Variants in PCDHA3 observed in about 807,000 individuals in gnomAD.
The protein encoded by PCDHA3 is protocadherin alpha-3.
Under a neutral mutation model 62.2 loss-of-function variants are expected in PCDHA3, and 41 were observed. That is an observed-to-expected ratio of 0.66 (90% CI 0.51 to 0.86). The LOEUF is 0.86. Ranked by LOEUF, PCDHA3 falls within the 40% of genes least tolerant of loss-of-function variation. The pLI is 0.00. For missense variants in PCDHA3, 1,304 were observed against 1,241.2 expected (o/e 1.05, Z -0.76); for synonymous variants, 640 against 555.4 (o/e 1.15, Z -2.14).
chr5:140,961,510 T>C (rs1201672141), intron 1 of PCDHA3, among the ~76,000 whole-genome samples: 1 of 152,246 alleles, frequency 6.6e-6, no homozygotes, highest in Non-Finnish European at 1.5e-5. Context: ...CTTTGTTTAA[T>C]GTCTCCACAA....
chr5:140,862,363 C>T, intron 1 of PCDHA3: 1 of 339,946 alleles, frequency 2.9e-6, no homozygotes, highest in Non-Finnish European at 5.8e-6. Context: ...GACAGACGAC[C>T]CGCACCCTGA....
chr5:140,893,583 T>G (rs535910), intron 1 of PCDHA3, among the ~76,000 whole-genome samples: 7,078 of 152,294 alleles, frequency 0.046, 293 homozygotes, highest in African/African-American at 0.11. Context: ...TTTGCTTGTT[T>G]GGGAAATACT....
chr5:141,001,811 C>A (rs1200900455), intron 3 of PCDHA3, among the ~76,000 whole-genome samples: 1 of 152,128 alleles, frequency 6.6e-6, no homozygotes, highest in Non-Finnish European at 1.5e-5. Flanking sequence ...ATTCTACAAT[C>A]GGCCAAATTC....
intron 1 of PCDHA3, chr5:140,864,345 G>A (rs2048432897): frequency 6.6e-6 from 1 of 152,130 alleles, no homozygotes; most frequent in Non-Finnish European, 1.5e-5. Flanking sequence ...TTTAAAACAT[G>A]TTTAAATGTT....
At chr5:140,977,730 T>C (rs1478978176) in intron 1 of PCDHA3, among the ~76,000 whole-genome samples, 1 of 152,226 alleles carries the variant, frequency 6.6e-6, no homozygotes, top group Non-Finnish European at 1.5e-5. Flanking sequence ...ATTTCTCTCC[T>C]GGGTGTTATG....
intron 3 of PCDHA3, among the ~76,000 whole-genome samples, chr5:140,996,257 C>G (rs186736348): frequency 1.4e-4 from 22 of 152,342 alleles, no homozygotes; most frequent in African/African-American, 5.3e-4. Flanking sequence ...GACAGCAACA[C>G]AGAGCCTGGG....
intron 1 of PCDHA3, chr5:140,860,306 G>T (rs991442000): frequency 6.6e-6 from 1 of 152,016 alleles, no homozygotes; most frequent in Non-Finnish European, 1.5e-5. Context: ...GCTTGAGCCT[G>T]GGAAGTTGAG....
rs1434426263 is a variant in PCDHA3, at chr5:140,852,473, T to A, written c.2394+48882T>A. On this transcript the variant is annotated intron_variant, in intron 1 of 3. Coordinates refer to ENST00000522353, the MANE Select transcript of PCDHA3 (RefSeq NM_018906.3). ...TTGTATTTTTAGTAGAGATGGGGTT[T>A]CATCATGTTGGCCAGGTTGGTCTCG... 6 of 195,480 alleles carry A rather than the reference T, an allele frequency of 3.1e-5. 1 individual carries two copies. The highest frequency in any genetic ancestry group is 6.2e-5 in the Non-Finnish European group (6 of 97,540). 12.1% of individuals were successfully genotyped at this position (195,480 alleles called of 1,614,324 possible). A position where few individuals can be genotyped will look rare whatever the true frequency, so the allele number is the denominator to read the frequency against.
intron 3 of PCDHA3, among the ~76,000 whole-genome samples, chr5:141,003,288 T>C (rs2098118136): frequency 2.0e-5 from 3 of 152,182 alleles, no homozygotes; most frequent in African/African-American, 7.2e-5. Context: ...AATTGGATTA[T>C]AGGATTACAT....
At chr5:140,999,666 G>A (rs185222092) in intron 3 of PCDHA3, among the ~76,000 whole-genome samples, 194 of 152,216 alleles carry the variant, frequency 1.3e-3, no homozygotes, top group African/African-American at 4.4e-3. Flanking sequence ...GCTGGGTTGC[G>A]GGGGGCTCAC....
chr5:140,869,973 C>A (rs782664221), intron 1 of PCDHA3: 2 of 1,613,100 alleles, frequency 1.2e-6, no homozygotes, highest in Admixed American at 1.7e-5. Context: ...ATGGAAGACA[C>A]TTATTTACAC....
At chr5:140,872,920 T>C (rs2153277088) in intron 1 of PCDHA3, among the ~76,000 whole-genome samples, 1 of 152,356 alleles carries the variant, frequency 6.6e-6, no homozygotes, top group South Asian at 2.1e-4. Flanking sequence ...TAATGCCTTA[T>C]CTCTAATGTT....
chr5:140,871,973 T>C (rs2053419799), intron 1 of PCDHA3, among the ~76,000 whole-genome samples: 1 of 152,254 alleles, frequency 6.6e-6, no homozygotes, highest in African/African-American at 2.4e-5. Context: ...CTTCCTATGA[T>C]GTCCAGGTTG....
intron 1 of PCDHA3, chr5:140,830,682 T>C: frequency 3.0e-6 from 1 of 332,166 alleles, no homozygotes; most frequent in Non-Finnish European, 5.1e-6. Flanking sequence ...GAAATCACTG[T>C]CCACAATCTG....
intron 1 of PCDHA3, chr5:140,829,486 G>A (rs1305629436): frequency 1.9e-6 from 3 of 1,613,648 alleles, no homozygotes; most frequent in Non-Finnish European, 2.5e-6. Flanking sequence ...TGTTCGTGAA[G>A]GAGAACAACC....
In PCDHA3 at chr5:140,823,700, C is replaced by T. The variant is rs144257451; in HGVS notation, c.2394+20109C>T. ...CGCTCTCTGGATGAGACCGAAGCAC[C>T]GCGCCACCGCCTTCTGGTGCTGGTG... On this transcript the variant is annotated intron_variant, in intron 1 of 3. Coordinates refer to ENST00000522353, the MANE Select transcript of PCDHA3 (RefSeq NM_018906.3). 9.7e-5 allele frequency: 156 copies of T among 1,613,940 alleles called. No individual in the cohort carries two copies. In the African/African-American group the frequency reaches 1.9e-3, roughly 20 times the overall value.
chr5:140,823,064 G>A (rs2150121897), intron 1 of PCDHA3: 1 of 1,614,062 alleles, frequency 6.2e-7, no homozygotes. Context: ...CGGGACGGGG[G>A]CTCGCCTTCG....
At chr5:140,928,868 C>G (rs374918492) in intron 1 of PCDHA3, 32 of 1,614,062 alleles carry the variant, frequency 2.0e-5, no homozygotes, top group Non-Finnish European at 2.6e-5. Context: ...TTGAGCAACT[C>G]TGTCCCTCAG....
At chr5:140,827,981 T>C (rs1359301062) in intron 1 of PCDHA3, 2 of 1,423,020 alleles carry the variant, frequency 1.4e-6, no homozygotes, top group Non-Finnish European at 1.9e-6. Flanking sequence ...ATTCCCTGAC[T>C]GTTGAATGAT....
Sources: allele counts gnomAD v4.1 joint callset (sites outside exome capture counted in the v4.1 genomes callset), GRCh38; gene constraint gnomAD v4.1.1; transcripts MANE v1.5; gene names NCBI Gene and HGNC (gene_info 2026-07-23, HGNC 2026-07-21).